The following SEC14L5 variants were observed in gnomAD, a reference collection of about 807,000 sequenced individuals.
The protein encoded by SEC14L5 is SEC14 like lipid binding 5.
Under a neutral mutation model 84.6 loss-of-function variants are expected in SEC14L5, and 96 were observed. The ratio of observed to expected loss-of-function variants is 1.13; its 90% CI spans 0.96 to 1.34. SEC14L5 has a LOEUF of 1.34. Among genes scored for constraint, SEC14L5 ranks in the 40% most tolerant of loss-of-function variants. The pLI is 0.00. For missense variants in SEC14L5, 1,224 were observed against 942.5 expected (o/e 1.30, Z -3.91); for synonymous variants, 546 against 383.4 (o/e 1.42, Z -4.95).
intron 2 of SEC14L5, among the ~76,000 whole-genome samples, chr16:4,982,378 G>A (rs571290230): frequency 6.6e-6 from 1 of 152,272 alleles, no homozygotes; most frequent in African/African-American, 2.4e-5. Flanking sequence ...AATAAGGTCA[G>A]CCACAGATGC....
chr16:4,962,698 A>C lies in SEC14L5; in HGVS notation c.63+3312A>C, dbSNP rs577546591. ...TGAAACTCTGTCTCAAAAAAAAAAA[A>C]AAAAAAAAAACTTCCTTATCTGTAC... On this transcript the variant is annotated intron_variant, in intron 2 of 15. Coordinates refer to ENST00000251170, the MANE Select transcript of SEC14L5 (RefSeq NM_014692.2). Among the ~76,000 whole-genome samples the C allele has an allele frequency of 1.2e-3, 175 of 151,476 alleles. 1 individual carries two copies. Among genetic ancestry groups the C allele is most frequent in the East Asian group, 2.7e-3 (14 of 5,170 alleles).
chr16:4,981,809 AG>A (rs1955426880), intron 2 of SEC14L5, among the ~76,000 whole-genome samples: 1 of 152,198 alleles, frequency 6.6e-6, no homozygotes, highest in East Asian at 1.9e-4. Context: ...AGAGAAAGGA[AG>A]GGGCTTGCCT....
chr16:5,009,391 A>G (rs1257490578), intron 14 of SEC14L5, among the ~76,000 whole-genome samples: 1 of 152,090 alleles, frequency 6.6e-6, no homozygotes, highest in Non-Finnish European at 1.5e-5. Flanking sequence ...TGATATGATC[A>G]CAGCTCACTA....
rs534224700 is a variant in SEC14L5, at chr16:4,978,521, C to T, written c.64-9036C>T. Among the ~76,000 whole-genome samples, 35 of 148,208 alleles carry T rather than the reference C, an allele frequency of 2.4e-4. 1 individual carries two copies. The highest frequency in any genetic ancestry group is 1.8e-3 in the Admixed American group (26 of 14,700). On this transcript the variant is annotated intron_variant, in intron 2 of 15. Coordinates refer to ENST00000251170, the MANE Select transcript of SEC14L5 (RefSeq NM_014692.2). ...GCAGCCTTGACCTTCTATGCTCAAG[C>T]GATTCTCCTGCCTCAGCCACCTGAG...
chr16:5,004,053 T>G (rs1216791330), intron 11 of SEC14L5, among the ~76,000 whole-genome samples: 1 of 152,158 alleles, frequency 6.6e-6, no homozygotes. Flanking sequence ...TTGCATAGTG[T>G]GGGCAAAAGC....
At position 5,011,371 on chromosome 16, in the gene SEC14L5, C is replaced by T. The variant is rs983257868; in HGVS notation, c.1979+98C>T. 45 of 1,286,648 alleles carry T rather than the reference C, an allele frequency of 3.5e-5. No individual in the cohort carries two copies. In the East Asian group the frequency reaches 1.0e-3, roughly 29 times the overall value. The allele number at this position is 1,286,648 out of a possible 1,614,324, so 79.7% of individuals were successfully genotyped here. ...TCCTGTCTCCCAGCTGGGTCAGCTT[C>T]TCCCGGGGTGGGACCCCAGCATGGG... is the stretch of plus-strand genomic sequence containing the variant. On this transcript the variant is annotated intron_variant, in intron 15 of 15. Coordinates refer to ENST00000251170, the MANE Select transcript of SEC14L5 (RefSeq NM_014692.2).
At chr16:5,014,580 G>T (rs778947122) in intron 15 of SEC14L5, among the ~76,000 whole-genome samples, 18 of 152,360 alleles carry the variant, frequency 1.2e-4, no homozygotes, top group Non-Finnish European at 2.6e-4. Context: ...GACAGGGCCG[G>T]GGACTCCCTG....
chr16:5,009,548 G>C (rs1450215416), intron 14 of SEC14L5, among the ~76,000 whole-genome samples: 1 of 152,012 alleles, frequency 6.6e-6, no homozygotes, highest in Non-Finnish European at 1.5e-5. Flanking sequence ...GATCTTGAAT[G>C]CCTGAGCTCA....
intron 2 of SEC14L5, among the ~76,000 whole-genome samples, chr16:4,981,267 T>G (rs1955420871): frequency 8.9e-6 from 1 of 112,926 alleles, no homozygotes; most frequent in Non-Finnish European, 1.7e-5. Context: ...TTTTTTTTTT[T>G]TTTTTTTTTT....
At position 4,996,369 on chromosome 16, in the gene SEC14L5, A is replaced by G; in HGVS notation, c.689A>G (p.Tyr230Cys). ...SMDGDKLDADYIERCLGHLTP... is the reference protein window; with the variant it reads ...SMDGDKLDADCIERCLGHLTP... ...CAAGGGGACAAGCTGGATGCGGACT[A>G]CATTGAGAGGTGCCTGGGCCACCTC... Residue 230 changes from tyrosine (Y) to cysteine (C), a missense_variant, in exon 7 of 16, where the codon TAC becomes TGC. Transcript: ENST00000251170. 1 of 1,561,756 alleles carries G rather than the reference A, an allele frequency of 6.4e-7. No homozygotes were observed. The highest frequency in any genetic ancestry group is 8.7e-7 in the Non-Finnish European group (1 of 1,153,276).
At chr16:4,985,662 G>A (rs1200749929) in intron 2 of SEC14L5, among the ~76,000 whole-genome samples, 1 of 151,912 alleles carries the variant, frequency 6.6e-6, no homozygotes, top group African/African-American at 2.4e-5. Flanking sequence ...GCTTATTTCT[G>A]GATGCTAAAT....
intron 6 of SEC14L5, among the ~76,000 whole-genome samples, chr16:4,993,776 G>C (rs1377108632): frequency 6.6e-6 from 1 of 152,190 alleles, no homozygotes; most frequent in Non-Finnish European, 1.5e-5. Context: ...CAATGAGGTT[G>C]TACCAATCAT....
Position 4,996,982 on chromosome 16 carries a change from C to G in SEC14L5, c.908C>G (p.Thr303Ser), listed in dbSNP as rs777436317. 3 of 1,613,442 alleles carry G rather than the reference C, an allele frequency of 1.9e-6. No individual in the cohort carries two copies. ...KQHQVDLLLQTWQPPALLEEF... is the reference protein window; with the variant it reads ...KQHQVDLLLQSWQPPALLEEF... ...CACCAGGTGGATCTCCTCCTTCAGA[C>G]CTGGCAACCCCCTGCCCTGCTGGAG... The change falls in exon 8 of 16, where the codon ACC becomes AGC. Residue 303 changes from threonine to serine, a missense_variant. Transcript: ENST00000251170.
chr16:5,003,408 G>T lies in SEC14L5; in HGVS notation c.1137G>T (p.Trp379Cys). ...GGGGCTATTTCTGCCACAGCTCCTG[G>T]ACCTGCCTGCTAGACCTGGAGGGAC... ...TRQLGRPISS[W>C]TCLLDLEGLN... Residue 379 changes from tryptophan (W) to cysteine (C), a missense_variant, in exon 11 of 16, where the codon TGG (tryptophan) becomes TGT (cysteine). Transcript: ENST00000251170. 6.2e-7 allele frequency: 1 copy of T among 1,612,738 alleles called. No homozygotes were observed. The highest frequency in any genetic ancestry group is 1.1e-5 in the South Asian group (1 of 91,034).
Position 5,007,487 on chromosome 16 carries a change from G to A in SEC14L5, c.1572+1G>A, listed in dbSNP as rs1273035036. 1 of 1,613,046 alleles carries A rather than the reference G, an allele frequency of 6.2e-7. No homozygotes were observed. Among genetic ancestry groups the A allele is most frequent in the Admixed American group, 1.7e-5 (1 of 59,974 alleles). On this transcript the variant is annotated splice_donor_variant, in intron 13 of 15. Transcript: ENST00000251170. LOFTEE classifies it high-confidence loss of function. ...CGTGCTCCGCGGAGCCCCCCACGAGGTGCCAGGGCCTGGCCGGGGAGGGCC... is the reference window on the plus strand; with the variant it reads ...CGTGCTCCGCGGAGCCCCCCACGAGATGCCAGGGCCTGGCCGGGGAGGGCC...
intron 2 of SEC14L5, among the ~76,000 whole-genome samples, chr16:4,967,991 C>T (rs971413845): frequency 3.7e-5 from 5 of 133,364 alleles, no homozygotes; most frequent in South Asian, 2.9e-4. Flanking sequence ...CCTCTCCTTC[C>T]CTTCCCTTTC....
At chr16:5,000,956 C>T in intron 10 of SEC14L5, 31 bp downstream of exon 10, 2 of 1,558,392 alleles carry the variant, frequency 1.3e-6, no homozygotes, top group Non-Finnish European at 1.8e-6. Flanking sequence ...CAAATCCCCC[C>T]TAAACAGCAA....
intron 8 of SEC14L5, among the ~76,000 whole-genome samples, chr16:4,998,754 A>T (rs866510770): frequency 0.029 from 2,669 of 92,938 alleles, 47 homozygotes; most frequent in Non-Finnish European, 0.046. Flanking sequence ...AAAAAAAAAA[A>T]AAAAAAAAAA....
At chr16:4,961,466 T>A (rs761894548) in intron 2 of SEC14L5, among the ~76,000 whole-genome samples, 2 of 152,102 alleles carry the variant, frequency 1.3e-5, no homozygotes, top group Non-Finnish European at 2.9e-5. Context: ...GTAGCTGAGA[T>A]TACAGATGCA....
Sources: allele counts gnomAD v4.1 joint callset (sites outside exome capture counted in the v4.1 genomes callset), GRCh38; gene constraint gnomAD v4.1.1; transcripts MANE v1.5; gene names NCBI Gene and HGNC (gene_info 2026-07-23, HGNC 2026-07-21).